The following ARHGAP26 variants were observed in gnomAD, a reference collection of about 807,000 sequenced individuals.
ARHGAP26 encodes rho GTPase-activating protein 26.
Under a neutral mutation model 104.8 loss-of-function variants are expected in ARHGAP26, and 38 were observed. That is an observed-to-expected ratio of 0.36 (90% CI 0.28 to 0.48). The LOEUF (loss-of-function observed/expected upper bound fraction) is 0.48. Among genes scored for constraint, ARHGAP26 ranks in the 20% least tolerant of loss-of-function variants. The probability of loss-of-function intolerance (pLI) is 0.99; values close to 1 mark genes in which losing one functional copy is unlikely to be tolerated. For synonymous variants in ARHGAP26, 341 were observed against 340.0 expected (o/e 1.00, Z -0.03); for missense variants, 704 against 947.9 (o/e 0.74, Z 3.38).
At chr5:143,031,872 A>G (rs1781936778) in intron 12 of ARHGAP26, among the ~76,000 whole-genome samples, 1 of 152,048 alleles carries the variant, frequency 6.6e-6, no homozygotes, top group African/African-American at 2.4e-5. Flanking sequence ...ATTGTACCTT[A>G]GAGTTGTTCT....
intron 17 of ARHGAP26, chr5:143,103,337 C>T (rs546973066): frequency 3.7e-5 from 22 of 602,648 alleles, no homozygotes; most frequent in Middle Eastern, 8.3e-4. Flanking sequence ...CGATTTTACA[C>T]TGTTGGTGGG....
At chr5:142,771,632 A>G (rs960438898) in intron 1 of ARHGAP26, among the ~76,000 whole-genome samples, 3 of 151,134 alleles carry the variant, frequency 2.0e-5, no homozygotes, top group African/African-American at 4.9e-5. Context: ...ACATATCCCA[A>G]CTCTCTCCCT....
At chr5:143,191,748 A>T (rs1476234481) in intron 20 of ARHGAP26, among the ~76,000 whole-genome samples, 2 of 152,192 alleles carry the variant, frequency 1.3e-5, no homozygotes, top group African/African-American at 4.8e-5. Flanking sequence ...GGTGGCTGAG[A>T]ATGAATACTG....
chr5:142,824,819 A>G (rs574027851), intron 1 of ARHGAP26, among the ~76,000 whole-genome samples: 2 of 152,202 alleles, frequency 1.3e-5, no homozygotes, highest in Non-Finnish European at 2.9e-5. Context: ...AGTGCCACGG[A>G]AGGGGCTAGG....
At chr5:143,081,430 TGC>T (rs1789793530) in intron 17 of ARHGAP26, among the ~76,000 whole-genome samples, 4 of 152,324 alleles carry the variant, frequency 2.6e-5, no homozygotes, top group African/African-American at 9.6e-5. Context: ...ATTACTTGGT[TGC>T]TTTAAGACAA....
intron 20 of ARHGAP26, among the ~76,000 whole-genome samples, chr5:143,188,404 C>G (rs779256898): frequency 6.6e-6 from 1 of 152,190 alleles, no homozygotes; most frequent in Non-Finnish European, 1.5e-5. Context: ...AATGTTAGGA[C>G]TTGCCATTTT....
At chr5:142,837,759 A>G (rs1769880932) in intron 1 of ARHGAP26, among the ~76,000 whole-genome samples, 1 of 152,178 alleles carries the variant, frequency 6.6e-6, no homozygotes, top group Admixed American at 6.5e-5. Flanking sequence ...GCCTTGGTAG[A>G]ATAGTTATAT....
chr5:143,099,411 G>A (rs1792889393), intron 17 of ARHGAP26, among the ~76,000 whole-genome samples: 1 of 152,164 alleles, frequency 6.6e-6, no homozygotes, highest in African/African-American at 2.4e-5. Flanking sequence ...CACTTGTGGG[G>A]TGGAAGAAGT....
At chr5:142,827,531 C>T (rs539416426) in intron 1 of ARHGAP26, among the ~76,000 whole-genome samples, 1 of 152,144 alleles carries the variant, frequency 6.6e-6, no homozygotes, top group South Asian at 2.1e-4. Context: ...GTTTAGGTAA[C>T]TATGTAGAGT....
At chr5:142,863,584 T>G (rs954462343) in intron 1 of ARHGAP26, among the ~76,000 whole-genome samples, 1 of 152,166 alleles carries the variant, frequency 6.6e-6, no homozygotes, top group Non-Finnish European at 1.5e-5. Flanking sequence ...CTCCAATATA[T>G]ATTGAGGTCC....
At chr5:142,980,147 C>G (rs1276202773) in intron 11 of ARHGAP26, among the ~76,000 whole-genome samples, 2 of 152,144 alleles carry the variant, frequency 1.3e-5, no homozygotes, top group Non-Finnish European at 2.9e-5. Flanking sequence ...TAAATGGAAA[C>G]ATATACCATC....
intron 1 of ARHGAP26, among the ~76,000 whole-genome samples, chr5:142,808,518 A>G (rs1018310108): frequency 8.6e-5 from 13 of 151,394 alleles, no homozygotes; most frequent in Non-Finnish European, 1.5e-4. Context: ...AGTGTCACTC[A>G]CTTTTGGTAA....
intron 20 of ARHGAP26, chr5:143,166,234 G>A (rs1801929657): frequency 2.1e-6 from 1 of 476,964 alleles, no homozygotes; most frequent in Middle Eastern, 8.6e-4. Flanking sequence ...GTAGCCGGAA[G>A]AGCCCACAAT....
chr5:143,142,619 T>A (rs1428482312), intron 19 of ARHGAP26, among the ~76,000 whole-genome samples: 1 of 152,168 alleles, frequency 6.6e-6, no homozygotes, highest in Non-Finnish European at 1.5e-5. Flanking sequence ...TGAGACCACC[T>A]CAGATTTTAG....
At chr5:142,801,522 A>G (rs369079799) in intron 1 of ARHGAP26, among the ~76,000 whole-genome samples, 4 of 152,070 alleles carry the variant, frequency 2.6e-5, no homozygotes, top group Admixed American at 2.6e-4. Context: ...AAAAACCCCA[A>G]TCATCTTTTT....
intron 1 of ARHGAP26, among the ~76,000 whole-genome samples, chr5:142,843,062 C>A (rs1048544334): frequency 1.9e-4 from 29 of 152,172 alleles, no homozygotes; most frequent in Non-Finnish European, 3.4e-4. Flanking sequence ...GGTGGACCTA[C>A]CCCGCCTTTG....
At chr5:143,149,006 T>C (rs368782581) in intron 20 of ARHGAP26, among the ~76,000 whole-genome samples, 1 of 152,108 alleles carries the variant, frequency 6.6e-6, no homozygotes, top group Non-Finnish European at 1.5e-5. Flanking sequence ...TACAAAGAGG[T>C]TGCTTAAGCA....
chr5:143,041,198 G>A (rs1405682374), intron 13 of ARHGAP26, among the ~76,000 whole-genome samples: 2 of 152,190 alleles, frequency 1.3e-5, no homozygotes. Flanking sequence ...CAGTGGATTA[G>A]TTTTTGATTT....
chr5:143,028,508 A>G (rs1045650201), intron 12 of ARHGAP26, among the ~76,000 whole-genome samples: 3 of 152,234 alleles, frequency 2.0e-5, no homozygotes, highest in Non-Finnish European at 4.4e-5. Flanking sequence ...TATTTCATCA[A>G]CTGGAAGATT....
Sources: allele counts gnomAD v4.1 joint callset (sites outside exome capture counted in the v4.1 genomes callset), GRCh38; gene constraint gnomAD v4.1.1; transcripts MANE v1.5; gene names NCBI Gene and HGNC (gene_info 2026-07-23, HGNC 2026-07-21).